ALDH3A2: variants seen among roughly 807,000 people sequenced by gnomAD.
ALDH3A2 encodes the protein aldehyde dehydrogenase family 3 member A2.
ALDH3A2 carries 36 observed loss-of-function variants against 51.3 expected under a neutral mutation model. The observed-to-expected ratio is 0.70, with a 90% CI of 0.54 to 0.93. ALDH3A2 has a LOEUF of 0.93. Among genes scored for constraint, ALDH3A2 ranks in the 40% least tolerant of loss-of-function variants. ALDH3A2 has a pLI of 0.00. For missense variants in ALDH3A2, 552 were observed against 603.1 expected (o/e 0.92, Z 0.89); for synonymous variants, 199 against 219.8 (o/e 0.91, Z 0.84).
In ALDH3A2 at chr17:19,663,412, G is replaced by T; in HGVS notation, c.1020G>T (p.Val340=). The T allele has an allele frequency of 6.2e-7, 1 of 1,614,098 alleles. No individual in the cohort carries two copies. Among genetic ancestry groups the T allele is most frequent in the South Asian group, 1.1e-5 (1 of 91,078 alleles). Residue 340 remains valine (V), a synonymous_variant, in exon 7 of 10, where the codon GTG becomes GTT. Transcript: ENST00000176643. ...TTTTTGGACCAATTCTTCCAATAGT[G>T]CCTGTGAAAAATGTAGATGAGGCCA... ...EEIFGPILPI[V]PVKNVDEAIN... is the part of the protein sequence containing the mutation.
At chr17:19,670,586 G>A (rs1260285616) in intron 8 of ALDH3A2, among the ~76,000 whole-genome samples, 1 of 146,658 alleles carries the variant, frequency 6.8e-6, no homozygotes. Context: ...TTTTTGAGAC[G>A]GAGTCTCGCT....
At position 19,677,034 on chromosome 17, in the gene ALDH3A2, G is replaced by A. The variant is rs76846683; in HGVS notation, c.*1462G>A. ...AAGTCAGAAGTTACTCTCATCAGTC[G>A]TTCATGGTCACAACCTGAGGTACTC... On this transcript the variant is annotated 3_prime_UTR_variant, in exon 10 of 10. Coordinates refer to ENST00000176643, the MANE Select transcript of ALDH3A2 (RefSeq NM_000382.3). 0.033 allele frequency: 4,966 copies of A among 152,354 alleles called. 124 individuals carry two copies. Among genetic ancestry groups the A allele is most frequent in the Middle Eastern group, 0.061 (18 of 296 alleles). The allele number at this position is 152,354 out of a possible 1,614,324, so 9.4% of individuals were successfully genotyped here.
At chr17:19,673,374 G>A (rs2085146116) in intron 9 of ALDH3A2, 9 of 1,416,638 alleles carry the variant, frequency 6.4e-6, no homozygotes, top group South Asian at 5.2e-5. Flanking sequence ...TTTTGTTTTT[G>A]TTTTTATTTT....
rs1024729738 is a variant in ALDH3A2 at position 19,665,065 on chromosome 17, C to T, written c.1207+18C>T. 1.3e-6 allele frequency: 2 copies of T among 1,593,722 alleles called. No individual in the cohort carries two copies. Among genetic ancestry groups the T allele is most frequent in the African/African-American group, 2.7e-5 (2 of 74,538 alleles). ...AGGAGTGGGTGAGTCTTATTTTCTC[C>T]TGCTTGTAGTAGATATTTCAAAAGC... On this transcript the variant is annotated intron_variant, in intron 8 of 9. Transcript: ENST00000176643.
intron 8 of ALDH3A2, among the ~76,000 whole-genome samples, chr17:19,669,234 C>T (rs1014258196): frequency 6.6e-5 from 10 of 151,804 alleles, no homozygotes; most frequent in South Asian, 4.2e-4. Flanking sequence ...ACCTGGGAGG[C>T]GGAGGCTGCA....
intron 6 of ALDH3A2, among the ~76,000 whole-genome samples, chr17:19,663,065 G>A (rs1686844980): frequency 2.0e-5 from 3 of 152,166 alleles, no homozygotes; most frequent in Admixed American, 1.3e-4. Flanking sequence ...ATACATGCAT[G>A]GCTGTGAACA....
chr17:19,675,843 A>G lies in ALDH3A2; in HGVS notation c.*271A>G. On this transcript the variant is annotated 3_prime_UTR_variant, in exon 10 of 10. Transcript: ENST00000176643. ...TTGAGCTAGGGGAGGAGAATGTATT[A>G]GACTAAATACAAACTGCGGGGTTGT... The G allele has an allele frequency of 4.0e-6, 2 of 502,976 alleles. No homozygotes were observed. The highest frequency in any genetic ancestry group is 7.2e-6 in the Non-Finnish European group (2 of 278,604). The allele number at this position is 502,976 out of a possible 1,614,324, so 31.2% of individuals were successfully genotyped here.
rs1181366234 is a variant in ALDH3A2 at position 19,648,928 on chromosome 17, T to G, written c.-44T>G. On this transcript the variant is annotated 5_prime_UTR_variant, in exon 1 of 10. Transcript: ENST00000176643. ...CACCTGCATGCTTCCCGCCTCCCAC[T>G]CCCCAGCGCCCCCGGACCGTGCAGT... 1 of 1,546,952 alleles carries G rather than the reference T, an allele frequency of 6.5e-7. No homozygotes were observed. The highest frequency in any genetic ancestry group is 8.7e-7 in the Non-Finnish European group (1 of 1,144,966).
At chr17:19,673,384 T>A in intron 9 of ALDH3A2, 23 of 1,351,208 alleles carry the variant, frequency 1.7e-5, no homozygotes, top group Non-Finnish European at 2.2e-5. Flanking sequence ...GTTTTTATTT[T>A]TGTTTTTTTT....
chr17:19,672,012 C>T, intron 9 of ALDH3A2, 56 bp downstream of exon 9: 1 of 1,432,944 alleles, frequency 7.0e-7, no homozygotes, highest in South Asian at 1.1e-5. Context: ...TGATGGCTGC[C>T]AGATGCATAT....
Position 19,663,470 on chromosome 17 carries a change from G to T in ALDH3A2, c.1078G>T (p.Ala360Ser), listed in dbSNP as rs753417681. Residue 360 changes from alanine (A) to serine (S), a missense_variant, in exon 7 of 10, where the codon GCT becomes TCT. Physicochemically the swap from Ala to Ser is moderately conservative, Grantham distance 99 (BLOSUM62 1). Transcript: ENST00000176643. ...NFINEREKPL[A>S]LYVFSHNHKL... ...CATAAATGAACGTGAAAAGCCTCTG[G>T]CTCTTTATGTATTTTCGCATAACCA... The T allele has an allele frequency of 6.2e-7, 1 of 1,614,086 alleles. No individual in the cohort carries two copies. The highest frequency in any genetic ancestry group is 1.1e-5 in the South Asian group (1 of 91,080).
chr17:19,662,501 C>A (rs571590417), intron 6 of ALDH3A2, among the ~76,000 whole-genome samples: 1 of 152,202 alleles, frequency 6.6e-6, no homozygotes, highest in Non-Finnish European at 1.5e-5. Context: ...TTCTTACTTA[C>A]AGCATCTTTT....
Position 19,648,755 on chromosome 17 carries a change from C to A in ALDH3A2, c.-217C>A. ...GTGAGGCTTTGGGTCGAGCTCAGTC[C>A]TCCCCCGGCGCCTCCGACTGGCAGT... On this transcript the variant is annotated 5_prime_UTR_variant, in exon 1 of 10. Transcript: ENST00000176643. 1 of 638,168 alleles carries A rather than the reference C, an allele frequency of 1.6e-6. No individual in the cohort carries two copies. The highest frequency in any genetic ancestry group is 2.7e-6 in the Non-Finnish European group (1 of 369,358). The allele number at this position is 638,168 out of a possible 1,614,324, so 39.5% of individuals were successfully genotyped here.
chr17:19,673,284 T>G, intron 9 of ALDH3A2: 1 of 1,613,786 alleles, frequency 6.2e-7, no homozygotes, highest in Non-Finnish European at 8.5e-7. Context: ...AGGTAGGAAC[T>G]TTTTGTTTTC....
intron 6 of ALDH3A2, among the ~76,000 whole-genome samples, chr17:19,662,814 G>C (rs944458957): frequency 6.6e-6 from 1 of 152,136 alleles, no homozygotes; most frequent in African/African-American, 2.4e-5. Context: ...AGACCAGCCT[G>C]ACCCAACATG....
intron 9 of ALDH3A2, chr17:19,673,314 C>G (rs775350083): frequency 1.2e-6 from 2 of 1,607,926 alleles, no homozygotes; most frequent in Admixed American, 3.4e-5. Context: ...GTAAGGTGGG[C>G]CAAGTTGGGG....
chr17:19,661,217 G>C lies in ALDH3A2; in HGVS notation c.889G>C (p.Gly297Arg), dbSNP rs766766826. The change falls in exon 6 of 10, where the codon GGA (glycine) becomes CGA (arginine). Residue 297 changes from glycine to arginine, a missense_variant. Physicochemically the swap from Gly to Arg is moderately radical, Grantham distance 125 (BLOSUM62 -2). Coordinates refer to ENST00000176643, the MANE Select transcript of ALDH3A2 (RefSeq NM_000382.3). ...HFKRILSLLEGQKIAFGGETD... is the reference protein window; with the variant it reads ...HFKRILSLLERQKIAFGGETD... ...TAAGAGGATACTAAGTTTGCTTGAAGGACAAAAGATAGCTTTTGGTGGGGA... is the reference window on the plus strand; with the variant it reads ...TAAGAGGATACTAAGTTTGCTTGAACGACAAAAGATAGCTTTTGGTGGGGA... The C allele has an allele frequency of 6.2e-7, 1 of 1,614,106 alleles. No individual in the cohort carries two copies. The highest frequency in any genetic ancestry group is 1.6e-4 in the Middle Eastern group (1 of 6,062).
intron 9 of ALDH3A2, chr17:19,673,374 G>GTTT: frequency 7.1e-7 from 1 of 1,416,642 alleles, no homozygotes; most frequent in Non-Finnish European, 9.4e-7. Context: ...TTTTGTTTTT[G>GTTT]TTTTTATTTT....
At chr17:19,673,086 C>A in intron 9 of ALDH3A2, 1 of 1,606,614 alleles carries the variant, frequency 6.2e-7, no homozygotes, top group East Asian at 2.2e-5. Context: ...GCTCATCTTA[C>A]AGTATCCCAG....
Sources: gnomAD v4.1 joint callset for allele counts (sites outside exome capture counted in the v4.1 genomes callset) on GRCh38, gnomAD v4.1.1 for gene constraint, MANE v1.5 for transcripts, NCBI Gene and HGNC (gene_info 2026-07-23, HGNC 2026-07-21) for gene names.